The following ZNF875 variants were observed in gnomAD, a reference collection of about 807,000 sequenced individuals.
The protein encoded by ZNF875 is HKR1, GLI-Kruppel zinc finger family member.
A neutral mutation model predicts 11.2 loss-of-function variants in ZNF875; 14 were observed. The observed-to-expected ratio is 1.26, with a 90% confidence interval of 0.83 to 1.96. The LOEUF is 1.96. ZNF875 is among the 30% of genes most tolerant of loss of function. The pLI is 0.00. For synonymous variants in ZNF875, 301 were observed against 281.1 expected (o/e 1.07, Z -0.71); for missense variants, 752 against 760.4 (o/e 0.99, Z 0.13).
At chr19:37,329,127 G>A (rs927113757) in intron 4 of ZNF875, 3 of 152,290 alleles carry the variant, frequency 2.0e-5, no homozygotes, top group Non-Finnish European at 1.5e-5. Context: ...TCATGCCACC[G>A]AATCACTGAC....
chr19:37,344,907 AT>A (rs1469027894), intron 2 of ZNF875: 1 of 675,468 alleles, frequency 1.5e-6, no homozygotes, highest in Admixed American at 2.1e-5. Flanking sequence ...GACTAGGCAG[AT>A]ACCTGAATAG....
intron 2 of ZNF875, among the ~76,000 whole-genome samples, chr19:37,335,534 G>A (rs974168932): frequency 6.6e-6 from 1 of 152,198 alleles, no homozygotes; most frequent in South Asian, 2.1e-4. Context: ...GGGGTCGGGG[G>A]CACTTTGTCT....
At chr19:37,346,880 TGA>T (rs2036874464) in intron 2 of ZNF875, 2 of 233,568 alleles carry the variant, frequency 8.6e-6, no homozygotes, top group Non-Finnish European at 8.1e-6. Flanking sequence ...TTTTTTTTTT[TGA>T]GACAGAGTTT....
chr19:37,359,138 G>A (rs1010300241), intron 4 of ZNF875, among the ~76,000 whole-genome samples: 1 of 150,816 alleles, frequency 6.6e-6, no homozygotes, highest in African/African-American at 2.4e-5. Context: ...GACCTCAGGT[G>A]ATCCGCCACC....
At chr19:37,336,228 A>G (rs1265498259) in intron 2 of ZNF875, among the ~76,000 whole-genome samples, 2 of 151,458 alleles carry the variant, frequency 1.3e-5, no homozygotes, top group East Asian at 3.9e-4. Flanking sequence ...AAGGAAGCAT[A>G]GATAGTTTCA....
chr19:37,314,718 T>C (rs1252152666), upstream of ZNF875: 4 of 142,824 alleles, frequency 2.8e-5, no homozygotes, highest in Non-Finnish European at 6.0e-5. Flanking sequence ...GCCACTGCAC[T>C]CCAGTCTGGG....
At chr19:37,342,226 A>AT (rs2035859987) in intron 2 of ZNF875, among the ~76,000 whole-genome samples, 1 of 152,072 alleles carries the variant, frequency 6.6e-6, no homozygotes, top group Non-Finnish European at 1.5e-5. Flanking sequence ...CTCTGAGTTT[A>AT]TTTTTTTATT....
intron 2 of ZNF875, among the ~76,000 whole-genome samples, chr19:37,338,371 C>T (rs1600001627): frequency 1.3e-5 from 2 of 152,200 alleles, no homozygotes; most frequent in East Asian, 3.9e-4. Context: ...GTTCCACCCA[C>T]CTCTGCCTCC....
At chr19:37,342,992 A>G (rs187498897) in intron 2 of ZNF875, among the ~76,000 whole-genome samples, 3 of 152,172 alleles carry the variant, frequency 2.0e-5, no homozygotes, top group African/African-American at 7.2e-5. Context: ...TGTTTTAGGT[A>G]TTTTGTTATG....
At position 37,347,883 on chromosome 19, in the gene ZNF875, A is replaced by G. The variant is rs377635462; in HGVS notation, c.256+11A>G. ...TGGACCTCTGTCCAGGTGAGTGTTGAGTGTGGGGTAGACGGGATAATCCAC... is the reference window on the plus strand; with the variant it reads ...TGGACCTCTGTCCAGGTGAGTGTTGGGTGTGGGGTAGACGGGATAATCCAC... On this transcript the variant is annotated intron_variant, in intron 4 of 4. Coordinates refer to ENST00000392153, the MANE Select transcript of ZNF875 (RefSeq NM_001353803.2). 6 of 1,482,254 alleles carry G rather than the reference A, an allele frequency of 4.0e-6. No homozygotes were observed. Among genetic ancestry groups the G allele is most frequent in the Non-Finnish European group, 5.7e-6 (6 of 1,059,902 alleles). 91.8% of individuals were successfully genotyped at this position (1,482,254 alleles called of 1,614,324 possible). A position where few individuals can be genotyped will look rare whatever the true frequency, so the allele number is the denominator to read the frequency against.
chr19:37,364,027 G>C lies in ZNF875; in HGVS notation c.*252G>C. Reference sequence around the variant, plus strand: ...TGTGGATGGTGGGTTGTGGAAACCCGGTCAGGTAATGATAGTGGCAGGAGG... The same window carrying C: ...TGTGGATGGTGGGTTGTGGAAACCCCGTCAGGTAATGATAGTGGCAGGAGG... On this transcript the variant is annotated 3_prime_UTR_variant, in exon 5 of 5. Coordinates refer to ENST00000392153, the MANE Select transcript of ZNF875 (RefSeq NM_001353803.2). 2.1e-6 allele frequency: 1 copy of C among 483,376 alleles called. No individual in the cohort carries two copies. The highest frequency in any genetic ancestry group is 3.7e-5 in the Admixed American group (1 of 27,270). 29.9% of individuals were successfully genotyped at this position (483,376 alleles called of 1,614,324 possible).
chr19:37,330,339 C>T (rs2033183819), upstream of ZNF875, among the ~76,000 whole-genome samples: 1 of 152,126 alleles, frequency 6.6e-6, no homozygotes, highest in Non-Finnish European at 1.5e-5. Context: ...AGGCTCAACA[C>T]TTGACTTTCC....
rs555809509 is a variant in ZNF875 at position 37,363,684 on chromosome 19, C to A, written c.1832C>A (p.Ser611Ter). Residue 611 changes from serine (S) to a stop codon, truncating the protein, a stop_gained, in exon 5 of 5, where the codon TCA becomes TAA. Transcript: ENST00000392153. LOFTEE classifies it low-confidence loss of function (END_TRUNC). ...CTCATTAGACACCAGAGGACACATT[C>A]AGGAGAGAAGCCTTATATTTGCAGA... is the stretch of plus-strand genomic sequence containing the variant. ...SHLIRHQRTH[S>*]GEKPYICRKC... 45 of 1,613,266 alleles carry A rather than the reference C, an allele frequency of 2.8e-5. 2 individuals are homozygous for A. The South Asian group carries it at 4.8e-4, about 17-fold the overall frequency.
At chr19:37,334,951 G>A (rs2034010684) in intron 1 of ZNF875, 169 bp downstream of exon 1, 1 of 480,106 alleles carries the variant, frequency 2.1e-6, no homozygotes, top group African/African-American at 2.0e-5. Flanking sequence ...CCCTCACTCC[G>A]TTGCTTGGGG....
chr19:37,352,366 G>A (rs974873501), intron 4 of ZNF875, among the ~76,000 whole-genome samples: 2 of 151,958 alleles, frequency 1.3e-5, no homozygotes, highest in African/African-American at 4.8e-5. Flanking sequence ...TCAGCCTCCT[G>A]AGTAGCTGGG....
intron 4 of ZNF875, among the ~76,000 whole-genome samples, chr19:37,357,206 G>A (rs2039066797): frequency 6.6e-6 from 1 of 152,154 alleles, no homozygotes; most frequent in Non-Finnish European, 1.5e-5. Flanking sequence ...CTTACACCGT[G>A]CTGTTTCAGT....
At position 37,363,181 on chromosome 19, in the gene ZNF875, A is replaced by G. The variant is rs753375552; in HGVS notation, c.1329A>G (p.Thr443=). The G allele has an allele frequency of 1.5e-5, 25 of 1,614,066 alleles. No individual in the cohort carries two copies. The Admixed American group carries it at 1.8e-4, about 12-fold the overall frequency. The part of the protein sequence containing the change: ...WKSNLKTHQR[T]HSGVKPYVCL... The stretch of plus-strand genomic sequence containing the variant: ...CAAACCTCAAAACACACCAGAGGAC[A>G]CACTCAGGGGTTAAACCTTATGTCT... The change falls in exon 5 of 5, where the codon ACA becomes ACG. Residue 443 remains threonine (T), a synonymous_variant. Coordinates refer to ENST00000392153, the MANE Select transcript of ZNF875 (RefSeq NM_001353803.2).
chr19:37,355,529 T>C (rs1338472873), intron 4 of ZNF875, among the ~76,000 whole-genome samples: 1 of 152,212 alleles, frequency 6.6e-6, no homozygotes, highest in Non-Finnish European at 1.5e-5. Context: ...AATGTCGATA[T>C]TGTCTCATAT....
At chr19:37,326,287 G>A (rs1264408030) in intron 4 of ZNF875, among the ~76,000 whole-genome samples, 1 of 152,202 alleles carries the variant, frequency 6.6e-6, no homozygotes, top group African/African-American at 2.4e-5. Flanking sequence ...CAGCTCTGGA[G>A]GGTGATTTTA....
Sources: gnomAD v4.1 joint callset for allele counts (sites outside exome capture counted in the v4.1 genomes callset) on GRCh38, gnomAD v4.1.1 for gene constraint, MANE v1.5 for transcripts, NCBI Gene and HGNC (gene_info 2026-07-23, HGNC 2026-07-21) for gene names.